The following TMEM61 variants were observed in gnomAD, a reference collection of about 807,000 sequenced individuals.
TMEM61 encodes transmembrane protein 61.
In TMEM61, 13 loss-of-function variants were observed where a neutral mutation model predicts 12.0. The observed-to-expected ratio is 1.08, with a 90% CI of 0.70 to 1.72. TMEM61 has a LOEUF of 1.72. Among genes scored for constraint, TMEM61 ranks in the 40% most tolerant of loss-of-function variants. TMEM61 has a pLI of 0.00. For synonymous variants in TMEM61, 109 were observed against 121.4 expected (o/e 0.90, Z 0.67); for missense variants, 249 against 276.9 (o/e 0.90, Z 0.71).
intron 2 of TMEM61, among the ~76,000 whole-genome samples, chr1:54,988,882 C>T (rs1644277460): frequency 6.6e-6 from 1 of 152,146 alleles, no homozygotes. Context: ...CTCCAGTAGT[C>T]CCTGCTCTTT....
chr1:54,984,187 C>T (rs1022471968), intron 1 of TMEM61, among the ~76,000 whole-genome samples: 3 of 152,166 alleles, frequency 2.0e-5, no homozygotes, highest in African/African-American at 4.8e-5. Flanking sequence ...TTTGAGCAGC[C>T]GCACAGCAGT....
chr1:54,989,320 C>A (rs970361180), intron 2 of TMEM61, among the ~76,000 whole-genome samples: 1 of 152,154 alleles, frequency 6.6e-6, no homozygotes, highest in Non-Finnish European at 1.5e-5. Flanking sequence ...GCCTCTACCC[C>A]CCAGGGTGGT....
chr1:54,981,165 C>T (rs1403445820), intron 1 of TMEM61, 85 bp downstream of exon 1: 3 of 1,472,376 alleles, frequency 2.0e-6, no homozygotes, highest in Non-Finnish European at 2.7e-6. Context: ...CCCCTAACCT[C>T]GGTCACCGTG....
chr1:54,984,591 G>A (rs907103201), intron 1 of TMEM61, among the ~76,000 whole-genome samples: 1 of 152,194 alleles, frequency 6.6e-6, no homozygotes, highest in African/African-American at 2.4e-5. Flanking sequence ...TCAGTTCAGA[G>A]GATTTATTGA....
chr1:54,990,757 C>G (rs1014585832), intron 2 of TMEM61, among the ~76,000 whole-genome samples: 2 of 152,174 alleles, frequency 1.3e-5, no homozygotes, highest in African/African-American at 4.8e-5. Flanking sequence ...CCACTTACGT[C>G]CCGGGCGCTG....
At chr1:54,989,911 T>G (rs1644284126) in intron 2 of TMEM61, among the ~76,000 whole-genome samples, 1 of 152,112 alleles carries the variant, frequency 6.6e-6, no homozygotes, top group Admixed American at 6.5e-5. Flanking sequence ...AGCTAATTAC[T>G]TACACTTTTC....
rs1040323311 is a variant in TMEM61 at position 54,992,165 on chromosome 1, C to T, written c.*62C>T. On this transcript the variant is annotated 3_prime_UTR_variant, in exon 3 of 3. Coordinates refer to ENST00000371268, the MANE Select transcript of TMEM61 (RefSeq NM_182532.3). ...GCCGTGCCTTCTCCAGAGTCTTATG[C>T]AGTGCCTGGGACACAGTAGGCACTC... 6.5e-5 allele frequency: 102 copies of T among 1,563,628 alleles called. No homozygotes were observed. Among genetic ancestry groups the T allele is most frequent in the Non-Finnish European group, 8.4e-5 (97 of 1,157,412 alleles).
chr1:54,991,875 C>T lies in TMEM61; in HGVS notation c.405C>T (p.Ala135=), dbSNP rs758753301. 57 of 1,613,976 alleles carry T rather than the reference C, an allele frequency of 3.5e-5. No individual in the cohort carries two copies. Among genetic ancestry groups the T allele is most frequent in the South Asian group, 3.5e-4 (32 of 91,088 alleles). The change falls in exon 3 of 3, where the codon GCC becomes GCT. Residue 135 remains alanine, a synonymous_variant. Coordinates refer to ENST00000371268, the MANE Select transcript of TMEM61 (RefSeq NM_182532.3). The part of the protein sequence containing the change: ...KVVDIPTYEE[A]VSFPVAEGPP... Reference sequence around the variant, plus strand: ...TTGACATCCCCACTTACGAGGAAGCCGTGAGCTTCCCAGTGGCCGAGGGGC... The same window carrying T: ...TTGACATCCCCACTTACGAGGAAGCTGTGAGCTTCCCAGTGGCCGAGGGGC...
Position 54,986,276 on chromosome 1 carries a change from G to T in TMEM61, c.195G>T (p.Leu65=), listed in dbSNP as rs750869581. 3 of 1,613,944 alleles carry T rather than the reference G, an allele frequency of 1.9e-6. No individual in the cohort carries two copies. Among genetic ancestry groups the T allele is most frequent in the Non-Finnish European group, 2.5e-6 (3 of 1,180,016 alleles). The part of the protein sequence containing the change: ...EYPVPEGPSP[L]LRSVSFVCCG... ...CGGTGCCTGAGGGCCCCAGCCCCCT[G>T]CTCAGGTCCGTCAGCTTCGTCTGCT... The change falls in exon 2 of 3, where the codon CTG becomes CTT. Residue 65 remains leucine (L), a synonymous_variant. Transcript: ENST00000371268.
At chr1:54,983,122 G>GTTTTTT (rs77100620) in intron 1 of TMEM61, among the ~76,000 whole-genome samples, 4 of 124,824 alleles carry the variant, frequency 3.2e-5, no homozygotes, top group Non-Finnish European at 4.9e-5. Flanking sequence ...TTTTTTTTTT[G>GTTTTTT]TTTTTTTTTG....
chr1:54,989,893 G>T (rs1280329334), intron 2 of TMEM61, among the ~76,000 whole-genome samples: 3 of 152,194 alleles, frequency 2.0e-5, no homozygotes, highest in Non-Finnish European at 4.4e-5. Flanking sequence ...AGGAGATGGG[G>T]CTCTGGAAGC....
Position 54,992,179 on chromosome 1 carries a change from C to T in TMEM61, c.*76C>T. 6.6e-7 allele frequency: 1 copy of T among 1,506,794 alleles called. No individual in the cohort carries two copies. Among genetic ancestry groups the T allele is most frequent in the Non-Finnish European group, 8.9e-7 (1 of 1,120,324 alleles). The allele number at this position is 1,506,794 out of a possible 1,614,324, so 93.3% of individuals were successfully genotyped here. On this transcript the variant is annotated 3_prime_UTR_variant, in exon 3 of 3. Transcript: ENST00000371268. ...AGAGTCTTATGCAGTGCCTGGGACA[C>T]AGTAGGCACTCAGCAAACGTTCGTT...
chr1:54,991,785 C>T, intron 2 of TMEM61, 51 bp from the exon 3 acceptor site: 1 of 1,580,880 alleles, frequency 6.3e-7, no homozygotes, highest in Non-Finnish European at 8.6e-7. Context: ...CTCTGGCAGG[C>T]AGCAGGGTCT....
chr1:54,991,410 C>G (rs1644297036), intron 2 of TMEM61, among the ~76,000 whole-genome samples: 1 of 152,208 alleles, frequency 6.6e-6, no homozygotes, highest in Non-Finnish European at 1.5e-5. Flanking sequence ...CCATTCTGCC[C>G]TGGGCATCCC....
chr1:54,991,855 A>G lies in TMEM61; in HGVS notation c.385A>G (p.Ile129Val). 6.2e-7 allele frequency: 1 copy of G among 1,614,052 alleles called. No individual in the cohort carries two copies. Among genetic ancestry groups the G allele is most frequent in the Non-Finnish European group, 8.5e-7 (1 of 1,179,976 alleles). The change falls in exon 3 of 3, where the codon ATC becomes GTC. Residue 129 changes from isoleucine to valine, a missense_variant. Physicochemically the swap from Ile to Val is conservative, Grantham distance 29. Transcript: ENST00000371268. ...ESCRTPKVVD[I>V]PTYEEAVSFP... ...CTGCAGGACCCCCAAAGTGGTTGAC[A>G]TCCCCACTTACGAGGAAGCCGTGAG...
At position 54,992,201 on chromosome 1, in the gene TMEM61, C is replaced by A; in HGVS notation, c.*98C>A. On this transcript the variant is annotated 3_prime_UTR_variant, in exon 3 of 3. Transcript: ENST00000371268. ...ACACAGTAGGCACTCAGCAAACGTT[C>A]GTTGTTGAAGGCTGTTCTATTTATC... 1.4e-6 allele frequency: 2 copies of A among 1,436,496 alleles called. No homozygotes were observed. The highest frequency in any genetic ancestry group is 2.7e-5 in the South Asian group (2 of 75,248). 89.0% of individuals were successfully genotyped at this position (1,436,496 alleles called of 1,614,324 possible).
At chr1:54,990,721 A>G (rs1424149586) in intron 2 of TMEM61, among the ~76,000 whole-genome samples, 1 of 152,092 alleles carries the variant, frequency 6.6e-6, no homozygotes. Flanking sequence ...TCCCCACAGG[A>G]GCCCCTTGAG....
intron 2 of TMEM61, 104 bp from the exon 3 acceptor site, chr1:54,991,732 C>A: frequency 7.4e-7 from 1 of 1,346,418 alleles, no homozygotes; most frequent in Non-Finnish European, 1.0e-6. Context: ...AGGCTTGGAG[C>A]AGGGTGTGAA....
chr1:54,990,496 C>T (rs1644288345), intron 2 of TMEM61, among the ~76,000 whole-genome samples: 1 of 152,178 alleles, frequency 6.6e-6, no homozygotes, highest in African/African-American at 2.4e-5. Flanking sequence ...GCATGGGCCC[C>T]TCCGTCAGCT....
Sources: gnomAD v4.1 joint callset for allele counts (sites outside exome capture counted in the v4.1 genomes callset) on GRCh38, gnomAD v4.1.1 for gene constraint, MANE v1.5 for transcripts, NCBI Gene and HGNC (gene_info 2026-07-23, HGNC 2026-07-21) for gene names.